The following RBFOX1 variants were observed in gnomAD, a reference collection of about 807,000 sequenced individuals.
The protein encoded by RBFOX1 is RNA binding fox-1 homolog 1, also known as RNA binding protein fox-1 homolog 1.
In RBFOX1, 8 loss-of-function variants were observed where a neutral mutation model predicts 57.7. The observed-to-expected ratio is 0.14, with a 90% confidence interval of 0.08 to 0.25. The LOEUF (loss-of-function observed/expected upper bound fraction) is 0.25, where lower values mean the gene tolerates loss of function less well. RBFOX1 is among the 10% of genes least tolerant of loss of function. The probability of loss-of-function intolerance (pLI) is 1.00; values close to 1 mark genes in which losing one functional copy is unlikely to be tolerated. For synonymous variants in RBFOX1, 326 were observed against 222.4 expected, an observed-to-expected ratio of 1.47 and a Z score of -4.15; for missense variants, 611 against 548.5, an observed-to-expected ratio of 1.11 and a Z score of -1.14.
intron 3 of RBFOX1, among the ~76,000 whole-genome samples, chr16:6,988,742 TG>T (rs144809725): frequency 0.54 from 65,357 of 122,086 alleles, 17,188 homozygotes; most frequent in Non-Finnish European, 0.6. Context: ...TTTTTTTTTT[TG>T]TTTGTTTGTT....
chr16:6,114,974 G>T (rs942653488), intron 1 of RBFOX1, among the ~76,000 whole-genome samples: 4 of 152,128 alleles, frequency 2.6e-5, no homozygotes, highest in Non-Finnish European at 4.4e-5. Flanking sequence ...TAAGGGACAA[G>T]TTAATGCAAA....
At position 6,728,352 on chromosome 16, in the gene RBFOX1, A is replaced by G. The variant is rs541773094; in HGVS notation, c.-16+73702A>G. On this transcript the variant is annotated intron_variant, in intron 3 of 15. Transcript: ENST00000550418. Reference sequence around the variant, plus strand: ...TTGAGCAAATTTCTCTCCTGTATAAACAGTTAAATCCCAATGTCTTGTCGT... The same window carrying G: ...TTGAGCAAATTTCTCTCCTGTATAAGCAGTTAAATCCCAATGTCTTGTCGT... Among the ~76,000 whole-genome samples, 5 of 116,650 alleles carry G rather than the reference A, an allele frequency of 4.3e-5. No homozygotes were observed. The South Asian group carries it at 1.5e-3, about 36-fold the overall frequency. The allele number at this position is 116,650 out of a possible 152,430, so 76.5% of individuals were successfully genotyped here.
intron 2 of RBFOX1, among the ~76,000 whole-genome samples, chr16:6,418,382 G>T (rs2093682414): frequency 6.6e-6 from 1 of 152,084 alleles, no homozygotes; most frequent in African/African-American, 2.4e-5. Context: ...AATAAGAGCT[G>T]CTATTTGGGG....
rs200960268 is a variant in RBFOX1 at position 6,480,051 on chromosome 16, A to AC, written c.-64+162994_-64+162995insC. Among the ~76,000 whole-genome samples the AC allele has an allele frequency of 0.015, 541 of 36,152 alleles. 2 individuals carry two copies. The East Asian group carries it at 0.22, about 15-fold the overall frequency. 23.7% of individuals were successfully genotyped at this position (36,152 alleles called of 152,430 possible). A position where few individuals can be genotyped will look rare whatever the true frequency, so the allele number is the denominator to read the frequency against. On this transcript the variant is annotated intron_variant, in intron 2 of 15. Coordinates refer to ENST00000550418, the MANE Select transcript of RBFOX1 (RefSeq NM_018723.4). Reference sequence around the variant, plus strand: ...GGAGACAGAGCAAGACTCCACCTCGAAAAAAAAAAAAAAAAAATCACTGGT... The same window carrying AC: ...GGAGACAGAGCAAGACTCCACCTCGACAAAAAAAAAAAAAAAAATCACTGGT...
chr16:7,021,768 T>C (rs906752037), intron 3 of RBFOX1, among the ~76,000 whole-genome samples: 2 of 150,888 alleles, frequency 1.3e-5, no homozygotes, highest in African/African-American at 2.4e-5. Context: ...TTTTTATTTA[T>C]TGAGCATGTA....
In RBFOX1 at chr16:6,924,196, C is replaced by CATAATAATAAT. The variant is rs1567902723; in HGVS notation, c.-15-127860_-15-127859insTAATAATAATA. Among the ~76,000 whole-genome samples, 90 of 126,440 alleles carry CATAATAATAAT rather than the reference C, an allele frequency of 7.1e-4. 1 individual carries two copies. The highest frequency in any genetic ancestry group is 2.5e-3 in the African/African-American group (87 of 35,388). The allele number at this position is 126,440 out of a possible 152,430, so 82.9% of individuals were successfully genotyped here. A position where few individuals can be genotyped will look rare whatever the true frequency, so the allele number is the denominator to read the frequency against. ...ATAATAATAATAATAATAATAATAG[C>CATAATAATAAT]AATAATGCCACCTGAAACTGGGTAA... On this transcript the variant is annotated intron_variant, in intron 3 of 15. Coordinates refer to ENST00000550418, the MANE Select transcript of RBFOX1 (RefSeq NM_018723.4).
rs188041631 is a variant in RBFOX1 at position 6,283,082 on chromosome 16, T to C, written c.-126-33913T>C. Among the ~76,000 whole-genome samples, 280 of 152,248 alleles carry C rather than the reference T, an allele frequency of 1.8e-3. 1 individual carries two copies. The highest frequency in any genetic ancestry group is 3.6e-3 in the Admixed American group (55 of 15,294). On this transcript the variant is annotated intron_variant, in intron 1 of 15. Coordinates refer to ENST00000550418, the MANE Select transcript of RBFOX1 (RefSeq NM_018723.4). Reference sequence around the variant, plus strand: ...TGGCCCCTGCCTGTAATCCCAGCCCTTGGGGAGGCCAAGGCAGGAGGATCA... The same window carrying C: ...TGGCCCCTGCCTGTAATCCCAGCCCCTGGGGAGGCCAAGGCAGGAGGATCA...
chr16:6,605,269 C>T (rs35741175), intron 2 of RBFOX1, among the ~76,000 whole-genome samples: 50,146 of 151,608 alleles, frequency 0.33, 9,190 homozygotes, highest in African/African-American at 0.51. Context: ...CCAACACATA[C>T]AATTAAAGAA....
intron 1 of RBFOX1, among the ~76,000 whole-genome samples, chr16:5,248,473 TGGA>T (rs2062359662): frequency 6.6e-6 from 1 of 152,160 alleles, no homozygotes; most frequent in African/African-American, 2.4e-5. Flanking sequence ...CGGCCGCAGC[TGGA>T]AGGGGGCAGG....
At chr16:5,460,241 C>T (rs181055818) in intron 1 of RBFOX1, among the ~76,000 whole-genome samples, 11 of 152,312 alleles carry the variant, frequency 7.2e-5, no homozygotes, top group Admixed American at 6.5e-4. Context: ...GAATCCCAGC[C>T]CACTGACTTT....
intron 4 of RBFOX1, among the ~76,000 whole-genome samples, chr16:7,153,897 T>C (rs998891722): frequency 1.3e-5 from 2 of 152,034 alleles, no homozygotes; most frequent in Non-Finnish European, 2.9e-5. Flanking sequence ...AGGTAAATTG[T>C]TCTAGTTAGG....
intron 4 of RBFOX1, among the ~76,000 whole-genome samples, chr16:7,220,391 C>A (rs954022197): frequency 6.6e-6 from 1 of 152,148 alleles, no homozygotes; most frequent in African/African-American, 2.4e-5. Context: ...TCTGTTGTTG[C>A]TCAAAGAAGG....
chr16:7,195,565 GTTTA>G (rs2086494238), intron 4 of RBFOX1, among the ~76,000 whole-genome samples: 1 of 152,046 alleles, frequency 6.6e-6, no homozygotes, highest in African/African-American at 2.4e-5. Context: ...TTATTTGTTT[GTTTA>G]TTTATTGAGA....
intron 3 of RBFOX1, among the ~76,000 whole-genome samples, chr16:5,856,537 A>G (rs12709144): frequency 0.39 from 26,536 of 67,648 alleles, 6,338 homozygotes; most frequent in Non-Finnish European, 0.46. Flanking sequence ...ATATATGTGT[A>G]TGTGTGTGTG....
chr16:6,232,826 G>T (rs2097474722), intron 1 of RBFOX1, among the ~76,000 whole-genome samples: 2 of 152,120 alleles, frequency 1.3e-5, no homozygotes, highest in African/African-American at 4.8e-5. Flanking sequence ...TGGTGAAGCT[G>T]GGTCCCTATG....
intron 3 of RBFOX1, among the ~76,000 whole-genome samples, chr16:6,957,153 A>G (rs912579647): frequency 9.0e-5 from 5 of 55,654 alleles, no homozygotes; most frequent in East Asian, 3.1e-4. Flanking sequence ...TATTTTTGAG[A>G]TGGAGTCTTG....
At chr16:6,770,563 G>A (rs1049678911) in intron 3 of RBFOX1, among the ~76,000 whole-genome samples, 1 of 151,754 alleles carries the variant, frequency 6.6e-6, no homozygotes. Flanking sequence ...GTCAACCTAG[G>A]GAATCTCACA....
At chr16:5,535,279 C>T (rs888354977) in intron 2 of RBFOX1, among the ~76,000 whole-genome samples, 2 of 152,184 alleles carry the variant, frequency 1.3e-5, no homozygotes, top group African/African-American at 4.8e-5. Context: ...ACCTGAATAT[C>T]ATCAGCTCAT....
chr16:7,349,064 C>T (rs188890146), intron 4 of RBFOX1, among the ~76,000 whole-genome samples: 5 of 152,158 alleles, frequency 3.3e-5, no homozygotes, highest in East Asian at 1.9e-4. Context: ...GAAAAATGTG[C>T]TAGTTTTGGA....
Sources: allele counts gnomAD v4.1 joint callset (sites outside exome capture counted in the v4.1 genomes callset), GRCh38; gene constraint gnomAD v4.1.1; transcripts MANE v1.5; gene names NCBI Gene and HGNC (gene_info 2026-07-23, HGNC 2026-07-21).